Variants in CNTNAP2 observed in about 807,000 individuals in gnomAD.
CNTNAP2 encodes the protein contactin associated protein 2.
A neutral mutation model predicts 155.2 loss-of-function variants in CNTNAP2; 98 were observed. The ratio of observed to expected loss-of-function variants is 0.63; its 90% CI spans 0.54 to 0.75. The LOEUF is 0.75. CNTNAP2 is among the 30% of genes least tolerant of loss of function. CNTNAP2 has a pLI of 0.00. For synonymous variants in CNTNAP2, 651 were observed against 631.2 expected, an observed-to-expected ratio of 1.03 and a Z score of -0.47; for missense variants, 1,727 against 1,688.1, an observed-to-expected ratio of 1.02 and a Z score of -0.40.
chr7:147,013,816 G>A (rs910663634), intron 3 of CNTNAP2, among the ~76,000 whole-genome samples: 1 of 151,988 alleles, frequency 6.6e-6, no homozygotes, highest in African/African-American at 2.4e-5. Flanking sequence ...TTCCTCTTTG[G>A]GATAAGGGGA....
intron 16 of CNTNAP2, among the ~76,000 whole-genome samples, chr7:148,125,457 G>C (rs928403093): frequency 2.6e-5 from 4 of 152,034 alleles, no homozygotes; most frequent in African/African-American, 9.7e-5. Flanking sequence ...TCAATGTTTA[G>C]CTTCCAGTTA....
At chr7:146,747,604 G>A (rs191855018) in intron 1 of CNTNAP2, among the ~76,000 whole-genome samples, 93 of 152,152 alleles carry the variant, frequency 6.1e-4, no homozygotes, top group African/African-American at 2.0e-3. Context: ...TATTTTATAC[G>A]TTTAAACAGA....
At chr7:147,439,588 T>C (rs926551532) in intron 10 of CNTNAP2, among the ~76,000 whole-genome samples, 1 of 152,058 alleles carries the variant, frequency 6.6e-6, no homozygotes, top group Non-Finnish European at 1.5e-5. Flanking sequence ...TAAATATTTA[T>C]TAGATCCATT....
intron 3 of CNTNAP2, among the ~76,000 whole-genome samples, chr7:146,974,187 G>C (rs1196691875): frequency 6.6e-6 from 1 of 152,056 alleles, no homozygotes; most frequent in African/African-American, 2.4e-5. Flanking sequence ...CTAAAAATCA[G>C]TTACTTGGGC....
At position 146,970,376 on chromosome 7, in the gene CNTNAP2, C is replaced by A. The variant is rs1356816143; in HGVS notation, c.403-73531C>A. Among the ~76,000 whole-genome samples the A allele has an allele frequency of 7.9e-5, 12 of 152,082 alleles. No individual in the cohort carries two copies. The East Asian group carries it at 1.7e-3, about 22-fold the overall frequency. ...AACAAATTTACAAGAAAAAAACAAA[C>A]AACCCCATCAAAAAGTGGGCAAAGG... is the stretch of plus-strand genomic sequence containing the variant. On this transcript the variant is annotated intron_variant, in intron 3 of 23. Transcript: ENST00000361727.
chr7:146,517,136 G>T (rs921931843), intron 1 of CNTNAP2, among the ~76,000 whole-genome samples: 3 of 151,880 alleles, frequency 2.0e-5, no homozygotes, highest in African/African-American at 7.3e-5. Context: ...TCATCCCTTT[G>T]TTCAGTGTAT....
Position 146,820,850 on chromosome 7 carries a change from G to C in CNTNAP2, c.209-18861G>C, listed in dbSNP as rs1427096014. ...TTCCTTTATGAATCTGGGTGCTCCT[G>C]TATTGGGTGCATATATATTTAGAAT... is the stretch of plus-strand genomic sequence containing the variant. On this transcript the variant is annotated intron_variant, in intron 2 of 23. Coordinates refer to ENST00000361727, the MANE Select transcript of CNTNAP2 (RefSeq NM_014141.6). Among the ~76,000 whole-genome samples, 3 of 152,180 alleles carry C rather than the reference G, an allele frequency of 2.0e-5. 1 individual carries two copies. The highest frequency in any genetic ancestry group is 4.4e-5 in the Non-Finnish European group (3 of 68,032).
chr7:147,295,889 G>A (rs1254681014), intron 8 of CNTNAP2, among the ~76,000 whole-genome samples: 1 of 152,122 alleles, frequency 6.6e-6, no homozygotes, highest in African/African-American at 2.4e-5. Flanking sequence ...GCTGCTATCA[G>A]CAAGGATCCT....
intron 2 of CNTNAP2, 30 bp downstream of exon 2, chr7:146,774,411 A>G: frequency 1.4e-6 from 2 of 1,432,810 alleles, no homozygotes; most frequent in Non-Finnish European, 2.0e-6. Context: ...TTTTATCAAT[A>G]AACATGTTAA....
intron 8 of CNTNAP2, among the ~76,000 whole-genome samples, chr7:147,284,302 T>C (rs1489173353): frequency 3.3e-5 from 5 of 151,854 alleles, no homozygotes; most frequent in Non-Finnish European, 7.4e-5. Flanking sequence ...GCGTTCATTT[T>C]AGTGATAAAA....
chr7:146,609,133 C>T (rs930174515), intron 1 of CNTNAP2, among the ~76,000 whole-genome samples: 1 of 152,080 alleles, frequency 6.6e-6, no homozygotes, highest in African/African-American at 2.4e-5. Context: ...TCAAATGACC[C>T]AAGTTTCTTC....
chr7:146,587,126 G>T (rs951177269), intron 1 of CNTNAP2, among the ~76,000 whole-genome samples: 9 of 151,004 alleles, frequency 6.0e-5, no homozygotes, highest in Non-Finnish European at 1.0e-4. Flanking sequence ...TTTGCTTTCT[G>T]CTGCCACCAG....
intron 12 of CNTNAP2, among the ~76,000 whole-genome samples, chr7:147,571,816 C>T (rs1490281355): frequency 6.6e-6 from 1 of 152,122 alleles, no homozygotes; most frequent in Non-Finnish European, 1.5e-5. Flanking sequence ...TCCCTCTACT[C>T]ATTTTTATTT....
intron 1 of CNTNAP2, among the ~76,000 whole-genome samples, chr7:146,687,494 T>A (rs1046759208): frequency 1.3e-5 from 2 of 152,150 alleles, no homozygotes. Context: ...TGTATCACCA[T>A]AGAAAAGAAG....
At chr7:147,746,125 G>A (rs1046510565) in intron 13 of CNTNAP2, among the ~76,000 whole-genome samples, 11 of 152,142 alleles carry the variant, frequency 7.2e-5, no homozygotes, top group Admixed American at 3.9e-4. Flanking sequence ...TTACCTTTAC[G>A]TGCTTCCTTC....
At chr7:147,391,805 G>C (rs1401602233) in intron 9 of CNTNAP2, among the ~76,000 whole-genome samples, 1 of 151,954 alleles carries the variant, frequency 6.6e-6, no homozygotes, top group Non-Finnish European at 1.5e-5. Flanking sequence ...GTCATCCTTA[G>C]ATCATGTTTT....
intron 1 of CNTNAP2, among the ~76,000 whole-genome samples, chr7:146,660,667 C>G (rs1269567639): frequency 1.3e-5 from 2 of 152,144 alleles, no homozygotes; most frequent in Non-Finnish European, 2.9e-5. Context: ...TCAGATGTCT[C>G]TAATGGTTAG....
chr7:147,043,962 C>G lies in CNTNAP2; in HGVS notation c.458C>G (p.Pro153Arg), dbSNP rs769256063. 1.9e-6 allele frequency: 3 copies of G among 1,614,130 alleles called. No homozygotes were observed. Among genetic ancestry groups the G allele is most frequent in the African/African-American group, 1.3e-5 (1 of 75,020 alleles). ...DGVVRHELQH[P>R]IIARYVRIVP... ...GTGGTCCGGCACGAATTACAGCATC[C>G]GATTATTGCCCGCTATGTGCGCATA... Residue 153 changes from proline (P) to arginine (R), a missense_variant, in exon 4 of 24, where the codon CCG becomes CGG. Transcript: ENST00000361727.
intron 14 of CNTNAP2, among the ~76,000 whole-genome samples, chr7:147,923,011 T>A (rs188422744): frequency 3.3e-5 from 5 of 151,096 alleles, no homozygotes; most frequent in African/African-American, 1.2e-4. Context: ...GAATTATAAA[T>A]AGTACTAAAA....
Sources: gnomAD v4.1 joint callset for allele counts (sites outside exome capture counted in the v4.1 genomes callset) on GRCh38, gnomAD v4.1.1 for gene constraint, MANE v1.5 for transcripts, NCBI Gene and HGNC (gene_info 2026-07-23, HGNC 2026-07-21) for gene names.